EXPH5: variants seen among roughly 807,000 people sequenced by gnomAD.
The protein encoded by EXPH5 is exophilin 5.
A neutral mutation model predicts 41.1 loss-of-function variants in EXPH5; 42 were observed. The observed-to-expected ratio is 1.02, with a 90% confidence interval of 0.80 to 1.32. The LOEUF is 1.32. Among genes scored for constraint, EXPH5 ranks in the 40% most tolerant of loss-of-function variants. EXPH5 has a pLI of 0.00. For missense variants in EXPH5, 2,298 were observed against 2,314.5 expected, an observed-to-expected ratio of 0.99 and a Z score of 0.15; for synonymous variants, 798 against 833.5, an observed-to-expected ratio of 0.96 and a Z score of 0.73.
At chr11:108,588,557 C>T (rs950694182) in intron 1 of EXPH5, among the ~76,000 whole-genome samples, 3 of 151,956 alleles carry the variant, frequency 2.0e-5, no homozygotes, top group Admixed American at 1.3e-4. Context: ...CTTCCTTTGT[C>T]GAATGGAGAT....
At chr11:108,534,179 A>C (rs2093863265) in intron 3 of EXPH5, among the ~76,000 whole-genome samples, 1 of 152,206 alleles carries the variant, frequency 6.6e-6, no homozygotes, top group South Asian at 2.1e-4. Context: ...AATCTCTCTA[A>C]AATGAAGACC....
In EXPH5 at chr11:108,510,012, C is replaced by T. The variant is rs750384834; in HGVS notation, c.5495G>A (p.Arg1832Gln). 12 of 1,613,494 alleles carry T rather than the reference C, an allele frequency of 7.4e-6. No homozygotes were observed. The highest frequency in any genetic ancestry group is 2.7e-5 in the African/African-American group (2 of 74,988). The change falls in exon 6 of 6, where the codon CGA becomes CAA. Residue 1832 changes from arginine to glutamine, a missense_variant. Transcript: ENST00000265843. ...AGAGAATTCATTCCCAAGGGTCAGTCGACTCAGGGCATTGTCAATAGAAGT... is the reference window on the plus strand; with the variant it reads ...AGAGAATTCATTCCCAAGGGTCAGTTGACTCAGGGCATTGTCAATAGAAGT... ...ESTSIDNALS[R>Q]LTLGNEFSVN...
chr11:108,557,991 G>C (rs1450733685), intron 1 of EXPH5, among the ~76,000 whole-genome samples: 1 of 151,952 alleles, frequency 6.6e-6, no homozygotes, highest in Non-Finnish European at 1.5e-5. Context: ...CACCCAGGCT[G>C]GGGTGCAGTG....
intron 1 of EXPH5, among the ~76,000 whole-genome samples, chr11:108,555,002 T>C (rs1042256949): frequency 1.3e-5 from 2 of 152,232 alleles, no homozygotes; most frequent in African/African-American, 4.8e-5. Flanking sequence ...CATCAGCTAT[T>C]TGGCAAACGC....
At position 108,507,505 on chromosome 11, in the gene EXPH5, G is replaced by A. The variant is rs1166298593; in HGVS notation, c.*2032C>T. 6.6e-6 allele frequency: 1 copy of A among 152,194 alleles called. No individual in the cohort carries two copies. The highest frequency in any genetic ancestry group is 1.5e-5 in the Non-Finnish European group (1 of 68,028). The allele number at this position is 152,194 out of a possible 1,614,324, so 9.4% of individuals were successfully genotyped here. A position where few individuals can be genotyped will look rare whatever the true frequency, so the allele number is the denominator to read the frequency against. On this transcript the variant is annotated 3_prime_UTR_variant, in exon 6 of 6. Transcript: ENST00000265843. ...TTGACTATCATAGTATTGAGATCCAGGAATCCATGCTGTCTGTAGTTAAAG... is the reference window on the plus strand; with the variant it reads ...TTGACTATCATAGTATTGAGATCCAAGAATCCATGCTGTCTGTAGTTAAAG...
At chr11:108,532,917 C>T (rs1380979074) in intron 3 of EXPH5, among the ~76,000 whole-genome samples, 10 of 152,198 alleles carry the variant, frequency 6.6e-5, no homozygotes, top group Admixed American at 6.5e-4. Context: ...CCCATCTTAG[C>T]ATTGTTCTTG....
Position 108,512,180 on chromosome 11 carries a change from G to T in EXPH5, c.3327C>A (p.Ser1109=), listed in dbSNP as rs745493491. Residue 1109 remains serine (S), a synonymous_variant, in exon 6 of 6, where the codon TCC becomes TCA. Transcript: ENST00000265843. Reference sequence around the variant, plus strand: ...GGAATGGAAGTGGTCCTTTTCTAACGGAAGTAGATCCACTGCTTTTTACAT... The same window carrying T: ...GGAATGGAAGTGGTCCTTTTCTAACTGAAGTAGATCCACTGCTTTTTACAT... ...MTNVKSSGST[S]VRKGPLPFLI... is the part of the protein sequence containing the mutation. 1 of 1,611,220 alleles carries T rather than the reference G, an allele frequency of 6.2e-7. No individual in the cohort carries two copies. Among genetic ancestry groups the T allele is most frequent in the Non-Finnish European group, 8.5e-7 (1 of 1,178,788 alleles).
At position 108,509,967 on chromosome 11, in the gene EXPH5, C is replaced by T. The variant is rs957461600; in HGVS notation, c.5540G>A (p.Arg1847Gln). 5.0e-6 allele frequency: 8 copies of T among 1,613,582 alleles called. No homozygotes were observed. The highest frequency in any genetic ancestry group is 1.7e-5 in the Admixed American group (1 of 59,934). The change falls in exon 6 of 6, where the codon CGA becomes CAA. Residue 1847 changes from arginine (R) to glutamine (Q), a missense_variant. Transcript: ENST00000265843. The part of the protein sequence containing the change: ...NEFSVNNGYS[R>Q]RFRSFSELPS... Reference sequence around the variant, plus strand: ...GAGTTCAGAAAAAGATCTGAATCTTCGACTGTACCCATTGTTGACAGAGAA... The same window carrying T: ...GAGTTCAGAAAAAGATCTGAATCTTTGACTGTACCCATTGTTGACAGAGAA...
chr11:108,569,533 G>T (rs1379465372), intron 1 of EXPH5, among the ~76,000 whole-genome samples: 1 of 152,072 alleles, frequency 6.6e-6, no homozygotes, highest in African/African-American at 2.4e-5. Flanking sequence ...AGAGACAGGG[G>T]TTTCACCATG....
chr11:108,540,518 A>G (rs1412947135), intron 2 of EXPH5, among the ~76,000 whole-genome samples: 1 of 152,170 alleles, frequency 6.6e-6, no homozygotes, highest in East Asian at 1.9e-4. Flanking sequence ...GATATTATCA[A>G]CATAGAAGTT....
In EXPH5 at chr11:108,545,356, G is replaced by A. The variant is rs369825826; in HGVS notation, c.120-3544C>T. Among the ~76,000 whole-genome samples, 25 of 152,248 alleles carry A rather than the reference G, an allele frequency of 1.6e-4. No individual in the cohort carries two copies. In the East Asian group the frequency reaches 3.7e-3, roughly 22 times the overall value. ...ATTCAATATACGTTTGTGGAAGGCC[G>A]CCTATGGTGCAAATGCTGGCATACA... On this transcript the variant is annotated intron_variant, in intron 1 of 5. Transcript: ENST00000265843.
intron 1 of EXPH5, among the ~76,000 whole-genome samples, chr11:108,583,891 A>G (rs181776036): frequency 2.2e-3 from 334 of 152,294 alleles, no homozygotes; most frequent in African/African-American, 7.7e-3. Context: ...TACAGGAGAC[A>G]TGATTGGCCA....
chr11:108,606,631 C>T, the EXPH5 span, among the ~76,000 whole-genome samples: 9 of 152,136 alleles, frequency 5.9e-5, no homozygotes, highest in Non-Finnish European at 5.9e-5. Flanking sequence ...ACCAAGGACT[C>T]GGCTCAAGGC....
rs754080400 is a variant in EXPH5, at chr11:108,513,180, T to C, written c.2327A>G (p.Lys776Arg). ...CGGTATATACATTTTGGAGGTATCTTTCCTGGAAAAGACTCTGGGTGACTT... is the reference window on the plus strand; with the variant it reads ...CGGTATATACATTTTGGAGGTATCTCTCCTGGAAAAGACTCTGGGTGACTT... ...SKKSPRVFSR[K>R]DTSKMYIPHT... The change falls in exon 6 of 6, where the codon AAA becomes AGA. Residue 776 changes from lysine (K) to arginine (R), a missense_variant. Lys to Arg is a conservative substitution (Grantham distance 26, BLOSUM62 2). Coordinates refer to ENST00000265843, the MANE Select transcript of EXPH5 (RefSeq NM_015065.3). The C allele has an allele frequency of 6.2e-7, 1 of 1,614,136 alleles. No homozygotes were observed. Among genetic ancestry groups the C allele is most frequent in the South Asian group, 1.1e-5 (1 of 91,070 alleles).
Position 108,518,259 on chromosome 11 carries a change from G to C in EXPH5, c.607C>G (p.Leu203Val), listed in dbSNP as rs370953739. 6.2e-7 allele frequency: 1 copy of C among 1,613,752 alleles called. No individual in the cohort carries two copies. The highest frequency in any genetic ancestry group is 8.5e-7 in the Non-Finnish European group (1 of 1,179,868). ...CCTTGGAAAAACTCATTCTCCAGCAGTGAAGCATCCCACGGTGGAGGCATG... is the reference window on the plus strand; with the variant it reads ...CCTTGGAAAAACTCATTCTCCAGCACTGAAGCATCCCACGGTGGAGGCATG... ...SGMPPPWDAS[L>V]LENEFFQVLD... The change falls in exon 5 of 6, where the codon CTG becomes GTG. Residue 203 changes from leucine to valine, a missense_variant. By Grantham distance (32) the Leu-to-Val change is conservative (BLOSUM62 1). Transcript: ENST00000265843.
chr11:108,593,850 T>TCTCGTCCCGTCC (rs1184536204), upstream of EXPH5: 1,005 of 1,040,146 alleles, frequency 9.7e-4, 9 homozygotes, highest in African/African-American at 0.014. Flanking sequence ...CCCTCCCTCG[T>TCTCGTCCCGTCC]CTCGTCCCGT....
chr11:108,510,565 G>C lies in EXPH5; in HGVS notation c.4942C>G (p.Pro1648Ala), dbSNP rs768526550. ...TCGCCAATGGACTCTGCAGATTTTG[G>C]AGTAGGCTCAGGGAACAGTGGGTTG... ...ECNPLFPEPT[P>A]KSAESIGESR... Residue 1648 changes from proline to alanine, a missense_variant, in exon 6 of 6, where the codon CCA becomes GCA. Pro to Ala is a conservative substitution (Grantham distance 27, BLOSUM62 -1). Transcript: ENST00000265843. 1 of 1,614,106 alleles carries C rather than the reference G, an allele frequency of 6.2e-7. No homozygotes were observed.
intron 1 of EXPH5, among the ~76,000 whole-genome samples, chr11:108,580,311 A>G (rs1312461338): frequency 3.0e-4 from 46 of 152,248 alleles, no homozygotes; most frequent in Admixed American, 3.0e-3. Context: ...GATGCTCAAC[A>G]TCACTAATCA....
intron 1 of EXPH5, among the ~76,000 whole-genome samples, chr11:108,566,205 G>C (rs1483573769): frequency 2.6e-5 from 4 of 152,196 alleles, no homozygotes; most frequent in Non-Finnish European, 5.9e-5. Context: ...AATTCATGAA[G>C]ACAGGCCTTA....
Sources: allele counts gnomAD v4.1 joint callset (sites outside exome capture counted in the v4.1 genomes callset), GRCh38; gene constraint gnomAD v4.1.1; transcripts MANE v1.5; gene names NCBI Gene and HGNC (gene_info 2026-07-23, HGNC 2026-07-21).